The following PARD3 variants were observed in gnomAD, a reference collection of about 807,000 sequenced individuals.
PARD3 encodes the protein partitioning defective 3 homolog.
Under a neutral mutation model 155.4 loss-of-function variants are expected in PARD3, and 75 were observed. The ratio of observed to expected loss-of-function variants is 0.48; its 90% CI spans 0.40 to 0.58. The LOEUF is 0.58. Ranked by LOEUF, PARD3 falls within the 20% of genes least tolerant of loss-of-function variation. PARD3 has a pLI of 0.00. For synonymous variants in PARD3, 576 were observed against 610.5 expected, an observed-to-expected ratio of 0.94 and a Z score of 0.83; for missense variants, 1,642 against 1,721.7, an observed-to-expected ratio of 0.95 and a Z score of 0.82.
intron 4 of PARD3, among the ~76,000 whole-genome samples, chr10:34,464,178 A>C (rs2077863308): frequency 6.6e-6 from 1 of 152,020 alleles, no homozygotes; most frequent in Non-Finnish European, 1.5e-5. Context: ...GAAGCACACA[A>C]ATTTTCTGGA....
intron 3 of PARD3, among the ~76,000 whole-genome samples, chr10:34,504,845 G>A (rs568163506): frequency 2.6e-5 from 4 of 152,236 alleles, no homozygotes; most frequent in South Asian, 2.1e-4. Flanking sequence ...TAAAAGCAAC[G>A]AACAAATAAA....
intron 2 of PARD3, among the ~76,000 whole-genome samples, chr10:34,574,561 G>T (rs751816804): frequency 1.3e-5 from 2 of 152,122 alleles, no homozygotes; most frequent in Non-Finnish European, 2.9e-5. Context: ...CAGTGCATAC[G>T]CCTGAAAATC....
intron 1 of PARD3, among the ~76,000 whole-genome samples, chr10:34,793,979 C>T (rs994172950): frequency 1.3e-5 from 2 of 152,076 alleles, no homozygotes; most frequent in Non-Finnish European, 2.9e-5. Context: ...CATTTACAGT[C>T]GACTTGCACC....
At chr10:34,495,430 C>T (rs373488258) in intron 3 of PARD3, among the ~76,000 whole-genome samples, 1 of 152,220 alleles carries the variant, frequency 6.6e-6, no homozygotes, top group African/African-American at 2.4e-5. Context: ...AAAGATTAAT[C>T]ACTCGGATAA....
At chr10:34,121,065 G>GA (rs34639631) in intron 23 of PARD3, among the ~76,000 whole-genome samples, 37,143 of 124,728 alleles carry the variant, frequency 0.3, 4,843 homozygotes, top group Middle Eastern at 0.38. Context: ...CTCAAAAAAA[G>GA]AAAAAAAAAA....
At chr10:34,170,279 G>T (rs1339428283) in intron 22 of PARD3, among the ~76,000 whole-genome samples, 2 of 152,098 alleles carry the variant, frequency 1.3e-5, no homozygotes, top group Non-Finnish European at 2.9e-5. Context: ...GTAGAGACCG[G>T]TCTTGCTATG....
intron 1 of PARD3, among the ~76,000 whole-genome samples, chr10:34,739,145 G>C (rs1195342965): frequency 1.3e-5 from 2 of 152,142 alleles, no homozygotes; most frequent in Admixed American, 1.3e-4. Flanking sequence ...ATGCAATGTA[G>C]CCCTCTGGAC....
At chr10:34,170,045 T>C (rs990294155) in intron 22 of PARD3, among the ~76,000 whole-genome samples, 2 of 152,228 alleles carry the variant, frequency 1.3e-5, no homozygotes, top group Non-Finnish European at 2.9e-5. Flanking sequence ...AAGTTTGACA[T>C]TATTAGACGT....
intron 3 of PARD3, among the ~76,000 whole-genome samples, chr10:34,485,196 G>A (rs1395526710): frequency 6.6e-6 from 1 of 152,034 alleles, no homozygotes; most frequent in African/African-American, 2.4e-5. Flanking sequence ...AAATTAGCCG[G>A]GCGTGGTGGT....
chr10:34,702,962 C>G (rs780475732), intron 1 of PARD3, among the ~76,000 whole-genome samples: 2 of 152,142 alleles, frequency 1.3e-5, no homozygotes, highest in African/African-American at 4.8e-5. Context: ...AAATCCATCA[C>G]TGGTATCCTG....
At chr10:34,408,244 C>T (rs974990992) in intron 5 of PARD3, among the ~76,000 whole-genome samples, 7 of 151,500 alleles carry the variant, frequency 4.6e-5, no homozygotes, top group Non-Finnish European at 8.8e-5. Context: ...TCTCATGGTA[C>T]AATTTACAAT....
intron 20 of PARD3, among the ~76,000 whole-genome samples, chr10:34,291,995 A>G (rs921808236): frequency 6.8e-4 from 103 of 152,332 alleles, no homozygotes; most frequent in African/African-American, 2.4e-3. Flanking sequence ...AAGGTCAGGA[A>G]CTGCTCCTAA....
chr10:34,565,252 G>A (rs1466472099), intron 2 of PARD3, among the ~76,000 whole-genome samples: 2 of 135,758 alleles, frequency 1.5e-5, no homozygotes, highest in Admixed American at 7.6e-5. Context: ...AAAGACAAAG[G>A]AGCAAGGCTT....
At chr10:34,444,748 C>T (rs185231555) in intron 5 of PARD3, among the ~76,000 whole-genome samples, 1 of 152,290 alleles carries the variant, frequency 6.6e-6, no homozygotes, top group African/African-American at 2.4e-5. Flanking sequence ...TCACTATCCC[C>T]GTAAGTAGGA....
intron 1 of PARD3, among the ~76,000 whole-genome samples, chr10:34,716,965 A>G (rs2133692135): frequency 6.6e-6 from 1 of 151,540 alleles, no homozygotes; most frequent in East Asian, 1.9e-4. Context: ...TTTTTTTGCA[A>G]TTTTTGTTTT....
intron 5 of PARD3, among the ~76,000 whole-genome samples, chr10:34,424,273 C>G (rs1055981686): frequency 1.6e-4 from 25 of 152,148 alleles, no homozygotes; most frequent in Middle Eastern, 3.4e-3. Flanking sequence ...TTAGGATGAA[C>G]AGAGATTTTA....
At chr10:34,799,038 G>A (rs954560042) in intron 1 of PARD3, among the ~76,000 whole-genome samples, 15 of 152,206 alleles carry the variant, frequency 9.9e-5, no homozygotes, top group African/African-American at 3.6e-4. Flanking sequence ...AACCTTTGCT[G>A]CCAAGGTTAA....
At chr10:34,272,566 C>G (rs1021458024) in intron 21 of PARD3, among the ~76,000 whole-genome samples, 5 of 151,958 alleles carry the variant, frequency 3.3e-5, no homozygotes, top group African/African-American at 4.8e-5. Context: ...CCTGTCTCTA[C>G]AAAAAATGCA....
chr10:34,579,463 C>T (rs2087204365), intron 2 of PARD3, among the ~76,000 whole-genome samples: 2 of 151,512 alleles, frequency 1.3e-5, no homozygotes, highest in Non-Finnish European at 2.9e-5. Flanking sequence ...CATGAATGGG[C>T]ATTTGGTTAA....
Sources: gnomAD v4.1 joint callset for allele counts (sites outside exome capture counted in the v4.1 genomes callset) on GRCh38, gnomAD v4.1.1 for gene constraint, MANE v1.5 for transcripts, NCBI Gene and HGNC (gene_info 2026-07-23, HGNC 2026-07-21) for gene names.